SLC37A2: variants seen among roughly 807,000 people sequenced by gnomAD.
SLC37A2 encodes solute carrier family 37 member 2, also known as glucose-6-phosphate exchanger SLC37A2.
A neutral mutation model predicts 70.7 loss-of-function variants in SLC37A2; 59 were observed. The ratio of observed to expected loss-of-function variants is 0.83; its 90% CI spans 0.68 to 1.04. SLC37A2 has a LOEUF of 1.04. Among genes scored for constraint, SLC37A2 ranks in the 50% least tolerant of loss-of-function variants. The pLI is 0.00. For missense variants in SLC37A2, 580 were observed against 658.1 expected, an observed-to-expected ratio of 0.88 and a Z score of 1.30; for synonymous variants, 257 against 262.1, an observed-to-expected ratio of 0.98 and a Z score of 0.19.
intron 2 of SLC37A2, among the ~76,000 whole-genome samples, 190 bp from the exon 3 acceptor site, chr11:125,077,040 G>A (rs916515501): frequency 6.6e-6 from 1 of 152,190 alleles, no homozygotes; most frequent in Non-Finnish European, 1.5e-5. Flanking sequence ...CAGGGCCCCT[G>A]GGCTATGTGG....
intron 4 of SLC37A2, among the ~76,000 whole-genome samples, chr11:125,078,018 A>C (rs929446311): frequency 6.6e-6 from 1 of 152,142 alleles, no homozygotes; most frequent in Non-Finnish European, 1.5e-5. Flanking sequence ...GGTGGCCATC[A>C]TGTGTTCTAG....
chr11:125,070,962 A>G (rs985406275), intron 1 of SLC37A2, among the ~76,000 whole-genome samples: 2 of 152,176 alleles, frequency 1.3e-5, no homozygotes, highest in East Asian at 3.9e-4. Context: ...AATAGTCTGT[A>G]TGGTTGGCCA....
rs767501638 is a variant in SLC37A2 at position 125,077,281 on chromosome 11, C to T, written c.193C>T (p.His65Tyr). The stretch of plus-strand genomic sequence containing the variant: ...GCAGATCAAACCCATCAATGATACT[C>T]ACAGTCTCAATGACACCATGTGGTG... Reference protein sequence around the residue: ...SEQIKPINDTHSLNDTMWCSW... With the variant: ...SEQIKPINDTYSLNDTMWCSW... The change falls in exon 3 of 18, where the codon CAC (histidine) becomes TAC (tyrosine). Residue 65 changes from histidine to tyrosine, a missense_variant. Physicochemically the swap from His to Tyr is moderately conservative, Grantham distance 83 (BLOSUM62 2). Transcript: ENST00000403796. 56 of 1,608,626 alleles carry T rather than the reference C, an allele frequency of 3.5e-5. No homozygotes were observed. Among genetic ancestry groups the T allele is most frequent in the Non-Finnish European group, 4.7e-5 (55 of 1,177,284 alleles).
chr11:125,082,897 T>C (rs1949165513), intron 10 of SLC37A2, among the ~76,000 whole-genome samples: 1 of 152,160 alleles, frequency 6.6e-6, no homozygotes, highest in Non-Finnish European at 1.5e-5. Context: ...TGCCCAGGGA[T>C]GTATAGATGA....
chr11:125,076,798 C>T lies in SLC37A2; in HGVS notation c.101C>T (p.Ala34Val), dbSNP rs145893905. ...CTGCTGCTGACCTTCCTAATTTACG[C>T]CTGCTATCACATGTCCAGGAAGCCT... ...LILLLTFLIY[A>V]CYHMSRKPIS... The change falls in exon 2 of 18, where the codon GCC becomes GTC. Residue 34 changes from alanine to valine, a missense_variant. Transcript: ENST00000403796. 12 of 1,614,038 alleles carry T rather than the reference C, an allele frequency of 7.4e-6. No individual in the cohort carries two copies. The African/African-American group carries it at 1.6e-4, about 22-fold the overall frequency.
intron 8 of SLC37A2, 114 bp downstream of exon 8, chr11:125,081,572 G>C: frequency 7.2e-7 from 1 of 1,396,360 alleles, no homozygotes; most frequent in Non-Finnish European, 9.7e-7. Flanking sequence ...TGACCTCACC[G>C]ACCCAGTGCT....
chr11:125,080,760 C>A lies in SLC37A2; in HGVS notation c.674C>A (p.Thr225Asn). 6.7e-7 allele frequency: 1 copy of A among 1,499,006 alleles called. No homozygotes were observed. The highest frequency in any genetic ancestry group is 8.9e-7 in the Non-Finnish European group (1 of 1,117,620). 92.9% of individuals were successfully genotyped at this position (1,499,006 alleles called of 1,614,324 possible). ...ATTACTGCCGTCATGGGCGTCATCA[C>A]CTTCCTCTTCCTCATCGAACGTGAG... ...GIITAVMGVI[T>N]FLFLIEHPED... Residue 225 changes from threonine to asparagine, a missense_variant, in exon 7 of 18, where the codon ACC (threonine) becomes AAC (asparagine). By Grantham distance (65) the Thr-to-Asn change is moderately conservative. Transcript: ENST00000403796. The surrounding 1 kb of genome is among the most constrained non-coding windows in gnomAD (Gnocchi z 4.3).
intron 10 of SLC37A2, 78 bp downstream of exon 10, chr11:125,082,412 G>A (rs1450540311): frequency 8.0e-7 from 1 of 1,244,062 alleles, no homozygotes; most frequent in Non-Finnish European, 1.2e-6. Flanking sequence ...AGCCCGTCGT[G>A]GTGATGCCTG....
chr11:125,088,301 C>T lies in SLC37A2; in HGVS notation c.*167C>T. The T allele has an allele frequency of 1.4e-6, 1 of 716,900 alleles. No individual in the cohort carries two copies. The highest frequency in any genetic ancestry group is 2.3e-6 in the Non-Finnish European group (1 of 437,346). 44.4% of individuals were successfully genotyped at this position (716,900 alleles called of 1,614,324 possible). A position where few individuals can be genotyped will look rare whatever the true frequency, so the allele number is the denominator to read the frequency against. On this transcript the variant is annotated 3_prime_UTR_variant, in exon 18 of 18. Transcript: ENST00000403796. ...GCTGCCTAAGGACACAGAGATTCTC[C>T]ATGGGAAGGGGACTGCCAAGCATGA... is the stretch of plus-strand genomic sequence containing the variant.
chr11:125,070,051 G>T (rs1057009868), intron 1 of SLC37A2, among the ~76,000 whole-genome samples: 1 of 152,260 alleles, frequency 6.6e-6, no homozygotes, highest in East Asian at 1.9e-4. Flanking sequence ...GGCCCTCTGA[G>T]GGGGATGGCC....
At position 125,084,324 on chromosome 11, in the gene SLC37A2, G is replaced by A. The variant is rs372521619; in HGVS notation, c.1125+5G>A. On this transcript the variant is annotated splice_donor_5th_base_variant and intron_variant, in intron 12 of 17. Transcript: ENST00000403796. ...CTCATCTTGGCTGCCCCCATGGTGC[G>A]TATAACCCCGAGGGTGAAGTGCGAA... 38 of 1,614,126 alleles carry A rather than the reference G, an allele frequency of 2.4e-5. No individual in the cohort carries two copies. The highest frequency in any genetic ancestry group is 8.0e-5 in the African/African-American group (6 of 75,056).
chr11:125,085,285 C>G, intron 14 of SLC37A2, 110 bp from the exon 15 acceptor site: 1 of 1,311,134 alleles, frequency 7.6e-7, no homozygotes, highest in Non-Finnish European at 1.1e-6. Flanking sequence ...CCCCTCTCCT[C>G]TCAAGCCCAA....
intron 7 of SLC37A2, 24 bp from the exon 8 acceptor site, chr11:125,081,397 T>C: frequency 6.2e-7 from 1 of 1,601,090 alleles, no homozygotes; most frequent in Non-Finnish European, 8.5e-7. Context: ...GGGAAACTTC[T>C]TAGAAAGCGA....
Position 125,069,673 on chromosome 11 carries a change from G to A in SLC37A2, c.59+6247G>A, listed in dbSNP as rs112729196. On this transcript the variant is annotated intron_variant, in intron 1 of 17. Coordinates refer to ENST00000403796, the MANE Select transcript of SLC37A2 (RefSeq NM_001145290.2). ...CAAGTGGAGACATGGCCTGTCCCCT[G>A]TCTCTGAAGTAGTAACATGTAGCTC... Among the ~76,000 whole-genome samples, 1,178 of 152,356 alleles carry A rather than the reference G, an allele frequency of 7.7e-3. 14 individuals carry two copies. Among genetic ancestry groups the A allele is most frequent in the African/African-American group, 0.027 (1,123 of 41,574 alleles).
intron 1 of SLC37A2, among the ~76,000 whole-genome samples, chr11:125,074,729 C>T (rs148408135): frequency 9.9e-5 from 15 of 152,260 alleles, no homozygotes; most frequent in Middle Eastern, 3.4e-3. Flanking sequence ...TGCAGTCTGG[C>T]TTCCTAGTCA....
In SLC37A2 at chr11:125,083,722, G is replaced by A; in HGVS notation, c.977-93G>A. On this transcript the variant is annotated intron_variant, in intron 10 of 17. Coordinates refer to ENST00000403796, the MANE Select transcript of SLC37A2 (RefSeq NM_001145290.2). The surrounding 1 kb of genome is among the most constrained non-coding windows in gnomAD (Gnocchi z 4.6). Reference sequence around the variant, plus strand: ...CTCTTCCTCGGAAAAGGGGGCAGTGGTCTGGATCACGCTCTGCAGGGCTTC... The same window carrying A: ...CTCTTCCTCGGAAAAGGGGGCAGTGATCTGGATCACGCTCTGCAGGGCTTC... 8.7e-7 allele frequency: 1 copy of A among 1,154,808 alleles called. No individual in the cohort carries two copies. Among genetic ancestry groups the A allele is most frequent in the South Asian group, 1.3e-5 (1 of 79,612 alleles). 71.5% of individuals were successfully genotyped at this position (1,154,808 alleles called of 1,614,324 possible). A position where few individuals can be genotyped will look rare whatever the true frequency, so the allele number is the denominator to read the frequency against.
At position 125,080,587 on chromosome 11, in the gene SLC37A2, CTCTTCCCT is replaced by C. The variant is rs750176117; in HGVS notation, c.528-23_528-16del. 6.9e-7 allele frequency: 1 copy of C among 1,445,954 alleles called. No homozygotes were observed. Among genetic ancestry groups the C allele is most frequent in the Non-Finnish European group, 9.2e-7 (1 of 1,090,566 alleles). The allele number at this position is 1,445,954 out of a possible 1,614,324, so 89.6% of individuals were successfully genotyped here. A position where few individuals can be genotyped will look rare whatever the true frequency, so the allele number is the denominator to read the frequency against. The stretch of plus-strand genomic sequence containing the variant: ...GTGCTTTGCTTTTTACTTTTTATAC[CTCTTCCCT>C]TCTCTCCCTCCCTTCCAGGCGGGGG... On this transcript the variant is annotated intron_variant, in intron 6 of 17. Transcript: ENST00000403796. The surrounding 1 kb of genome is among the most constrained non-coding windows in gnomAD (Gnocchi z 4.3).
In SLC37A2 at chr11:125,083,993, A is replaced by G. The variant is rs983733253; in HGVS notation, c.1039+116A>G. 18 of 1,097,314 alleles carry G rather than the reference A, an allele frequency of 1.6e-5. No individual in the cohort carries two copies. The African/African-American group carries it at 2.7e-4, about 16-fold the overall frequency. 68.0% of individuals were successfully genotyped at this position (1,097,314 alleles called of 1,614,324 possible). A position where few individuals can be genotyped will look rare whatever the true frequency, so the allele number is the denominator to read the frequency against. ...CTGGGTAGGTGGCACCAGAGGAAAAATGGCTCCTGGGTTTATTCTCAGCTC... is the reference window on the plus strand; with the variant it reads ...CTGGGTAGGTGGCACCAGAGGAAAAGTGGCTCCTGGGTTTATTCTCAGCTC... On this transcript the variant is annotated intron_variant, in intron 11 of 17. Coordinates refer to ENST00000403796, the MANE Select transcript of SLC37A2 (RefSeq NM_001145290.2). This position sits in a 1 kb window ranked among gnomAD's most constrained non-coding sequence, Gnocchi z 4.6.
At position 125,083,824 on chromosome 11, in the gene SLC37A2, G is replaced by C; in HGVS notation, c.986G>C (p.Ser329Thr). 6.2e-7 allele frequency: 1 copy of C among 1,614,136 alleles called. No homozygotes were observed. The highest frequency in any genetic ancestry group is 1.6e-4 in the Middle Eastern group (1 of 6,062). ...PLYIANVAHF[S>T]AKEAGDLSTL... ...CCTGTATTTTCCACAGCTCACTTTA[G>C]TGCCAAGGAGGCTGGGGACCTGTCT... is the stretch of plus-strand genomic sequence containing the variant. The change falls in exon 11 of 18, where the codon AGT (serine) becomes ACT (threonine). Residue 329 changes from serine (S) to threonine (T), a missense_variant. By Grantham distance (58) the Ser-to-Thr change is moderately conservative. Coordinates refer to ENST00000403796, the MANE Select transcript of SLC37A2 (RefSeq NM_001145290.2). The surrounding 1 kb of genome is among the most constrained non-coding windows in gnomAD (Gnocchi z 4.6).
Sources: allele counts gnomAD v4.1 joint callset (sites outside exome capture counted in the v4.1 genomes callset), GRCh38; gene constraint gnomAD v4.1.1; non-coding constraint Gnocchi (gnomAD v3.1); transcripts MANE v1.5; gene names NCBI Gene and HGNC (gene_info 2026-07-23, HGNC 2026-07-21).